CDS2: variants seen among roughly 807,000 people sequenced by gnomAD.
CDS2 encodes CDP-diacylglycerol synthase 2, also known as phosphatidate cytidylyltransferase 2.
CDS2 carries 47 observed loss-of-function variants against 59.0 expected under a neutral mutation model. The ratio of observed to expected loss-of-function variants is 0.80; its 90% confidence interval spans 0.63 to 1.02. The LOEUF (loss-of-function observed/expected upper bound fraction) is 1.02, where lower values mean the gene tolerates loss of function less well. Ranked by LOEUF, CDS2 falls within the 50% of genes least tolerant of loss-of-function variation. CDS2 has a pLI of 0.00. For missense variants in CDS2, 356 were observed against 558.9 expected, an observed-to-expected ratio of 0.64 and a Z score of 3.66; for synonymous variants, 207 against 206.4, an observed-to-expected ratio of 1.00 and a Z score of -0.02.
chr20:5,190,108 T>C lies in CDS2; in HGVS notation c.1212T>C (p.Pro404=), dbSNP rs1264733774. The change falls in exon 13 of 13, where the codon CCT becomes CCC. Residue 404 remains proline, a synonymous_variant. Transcript: ENST00000460006. The part of the protein sequence containing the change: ...NVYIASFIRG[P]NPSKLIQQFL... ...TCTTCACATTCTGTTCCAGAGGCCCTAACCCAAGCAAACTGATTCAGCAGT... is the reference window on the plus strand; with the variant it reads ...TCTTCACATTCTGTTCCAGAGGCCCCAACCCAAGCAAACTGATTCAGCAGT... 1 of 1,613,836 alleles carries C rather than the reference T, an allele frequency of 6.2e-7. No individual in the cohort carries two copies. The highest frequency in any genetic ancestry group is 8.5e-7 in the Non-Finnish European group (1 of 1,179,854).
At chr20:5,165,491 C>G (rs888620811) in intron 1 of CDS2, among the ~76,000 whole-genome samples, 24 of 152,282 alleles carry the variant, frequency 1.6e-4, no homozygotes, top group African/African-American at 5.8e-4. Flanking sequence ...AACATGGCTC[C>G]CCCACAGAGA....
At chr20:5,161,632 T>G (rs530085525) in intron 1 of CDS2, among the ~76,000 whole-genome samples, 6 of 152,340 alleles carry the variant, frequency 3.9e-5, no homozygotes, top group Admixed American at 6.5e-5. Context: ...GTGTTTATAG[T>G]AGTCTTGTTA....
rs1052238488 is a variant in CDS2 at position 5,176,838 on chromosome 20, C to G, written c.389+93C>G. ...TGACGGTGGGTATTTCTATCACTTGCTATAGAGATAAATGCTGGAGAGGCA... is the reference window on the plus strand; with the variant it reads ...TGACGGTGGGTATTTCTATCACTTGGTATAGAGATAAATGCTGGAGAGGCA... On this transcript the variant is annotated intron_variant, in intron 4 of 12. Coordinates refer to ENST00000460006, the MANE Select transcript of CDS2 (RefSeq NM_003818.4). 4 of 860,714 alleles carry G rather than the reference C, an allele frequency of 4.6e-6. No homozygotes were observed. In the African/African-American group the frequency reaches 5.0e-5, roughly 11 times the overall value. The allele number at this position is 860,714 out of a possible 1,614,324, so 53.3% of individuals were successfully genotyped here. A position where few individuals can be genotyped will look rare whatever the true frequency, so the allele number is the denominator to read the frequency against.
chr20:5,186,804 A>G lies in CDS2; in HGVS notation c.946A>G (p.Asn316Asp), dbSNP rs758818265. Residue 316 changes from asparagine to aspartate, a missense_variant, in exon 10 of 13, where the codon AAC (asparagine) becomes GAC (aspartate). Asn to Asp is a conservative substitution (Grantham distance 23, BLOSUM62 1). Coordinates refer to ENST00000460006, the MANE Select transcript of CDS2 (RefSeq NM_003818.4). ...GGACCTGTTTCGCCTGCAGGAGTAC[A>G]ACATTCCTGGGGTGATCCAGTCAGT... ...PSDLFRLQEY[N>D]IPGVIQSVIG... The G allele has an allele frequency of 1.2e-6, 2 of 1,614,158 alleles. No individual in the cohort carries two copies. The highest frequency in any genetic ancestry group is 2.2e-5 in the East Asian group (1 of 44,872).
rs552975601 is a variant in CDS2, at chr20:5,197,581, T to G, written c.*7347T>G. On this transcript the variant is annotated 3_prime_UTR_variant, in exon 13 of 13. Transcript: ENST00000460006. ...TGATAGCCTGGGTGTTGATATTCAC[T>G]TTACCCGCACTCAGACACAGGCGAC... 6.6e-6 allele frequency: 1 copy of G among 152,062 alleles called. No individual in the cohort carries two copies. Among genetic ancestry groups the G allele is most frequent in the African/African-American group, 2.4e-5 (1 of 41,474 alleles). 9.4% of individuals were successfully genotyped at this position (152,062 alleles called of 1,614,324 possible).
At chr20:5,154,977 C>T (rs1350710261) in intron 1 of CDS2, among the ~76,000 whole-genome samples, 2 of 152,212 alleles carry the variant, frequency 1.3e-5, no homozygotes, top group Non-Finnish European at 2.9e-5. Flanking sequence ...TAGAGCATTT[C>T]CTGTTATTCA....
At chr20:5,129,217 A>C (rs1396180345) in intron 1 of CDS2, among the ~76,000 whole-genome samples, 2 of 152,296 alleles carry the variant, frequency 1.3e-5, no homozygotes, top group East Asian at 3.9e-4. Context: ...CAAGACAATC[A>C]GTTCCTCACC....
intron 1 of CDS2, among the ~76,000 whole-genome samples, chr20:5,162,321 A>G (rs531061076): frequency 1.2e-4 from 19 of 152,362 alleles, no homozygotes; most frequent in Admixed American, 1.0e-3. Context: ...GCCAGTAAGT[A>G]TAATGCAAAT....
intron 1 of CDS2, among the ~76,000 whole-genome samples, chr20:5,135,047 CT>C (rs1301119780): frequency 3.9e-5 from 6 of 151,964 alleles, no homozygotes; most frequent in African/African-American, 1.4e-4. Flanking sequence ...TTGAGAAACT[CT>C]TTTTAAAATG....
At chr20:5,139,121 C>T (rs990839733) in intron 1 of CDS2, among the ~76,000 whole-genome samples, 32 of 152,170 alleles carry the variant, frequency 2.1e-4, no homozygotes, top group African/African-American at 6.8e-4. Context: ...GTGGGTGGAT[C>T]ACTTGAGGCC....
chr20:5,182,462 C>T lies in CDS2; in HGVS notation c.588+17C>T, dbSNP rs199666544. ...TTCTACATGGTAAAGGAAATGCATG[C>T]GTGTGTGTCAGAATTCTTGATTTAA... On this transcript the variant is annotated intron_variant, in intron 6 of 12. Coordinates refer to ENST00000460006, the MANE Select transcript of CDS2 (RefSeq NM_003818.4). The T allele has an allele frequency of 5.6e-5, 90 of 1,600,446 alleles. No homozygotes were observed. The highest frequency in any genetic ancestry group is 4.3e-4 in the African/African-American group (32 of 74,320).
chr20:5,132,926 A>G (rs1000125279), intron 1 of CDS2, among the ~76,000 whole-genome samples: 3 of 151,946 alleles, frequency 2.0e-5, no homozygotes, highest in Non-Finnish European at 2.9e-5. Flanking sequence ...TAATCCCAGC[A>G]CTTTGGGAGG....
intron 1 of CDS2, among the ~76,000 whole-genome samples, chr20:5,144,031 C>T (rs2090719259): frequency 6.6e-6 from 1 of 152,092 alleles, no homozygotes; most frequent in South Asian, 2.1e-4. Flanking sequence ...TCTCAAACTG[C>T]TGGGATCATA....
intron 1 of CDS2, among the ~76,000 whole-genome samples, chr20:5,163,011 C>T (rs2090886355): frequency 6.6e-6 from 1 of 152,262 alleles, no homozygotes; most frequent in Middle Eastern, 3.4e-3. Flanking sequence ...CATACTGAGG[C>T]CACATTGACT....
At chr20:5,139,799 C>CTTTT (rs141846083) in intron 1 of CDS2, among the ~76,000 whole-genome samples, 2 of 135,146 alleles carry the variant, frequency 1.5e-5, no homozygotes, top group Non-Finnish European at 3.2e-5. Flanking sequence ...TTTCAGCATC[C>CTTTT]TTTTTTTTTT....
At chr20:5,161,327 C>T (rs1172098048) in intron 1 of CDS2, among the ~76,000 whole-genome samples, 2 of 152,178 alleles carry the variant, frequency 1.3e-5, no homozygotes, top group East Asian at 1.9e-4. Flanking sequence ...TCCTTAGTCT[C>T]GCTAGCCACA....
rs575023722 is a variant in CDS2 at position 5,191,752 on chromosome 20, G to T, written c.*1518G>T. ...TCCTTGAGTGACTTCCCATATGTGT[G>T]TGGGGCTGAAGCGGCTTCTTTCCGC... On this transcript the variant is annotated 3_prime_UTR_variant, in exon 13 of 13. Transcript: ENST00000460006. 1.5e-4 allele frequency: 23 copies of T among 152,336 alleles called. No homozygotes were observed. The highest frequency in any genetic ancestry group is 3.4e-4 in the African/African-American group (14 of 41,570). 9.4% of individuals were successfully genotyped at this position (152,336 alleles called of 1,614,324 possible). A position where few individuals can be genotyped will look rare whatever the true frequency, so the allele number is the denominator to read the frequency against.
At chr20:5,175,679 AG>A in intron 3 of CDS2, 1 of 172,218 alleles carries the variant, frequency 5.8e-6, no homozygotes, top group Non-Finnish European at 1.2e-5. Context: ...CCAGCTACTC[AG>A]GGGGCTGAGG....
chr20:5,158,010 C>G (rs1012656474), intron 1 of CDS2, among the ~76,000 whole-genome samples: 18 of 152,268 alleles, frequency 1.2e-4, no homozygotes, highest in Admixed American at 5.9e-4. Context: ...CGTAAACTTT[C>G]TTAAAACATT....
Sources: allele counts gnomAD v4.1 joint callset (sites outside exome capture counted in the v4.1 genomes callset), GRCh38; gene constraint gnomAD v4.1.1; transcripts MANE v1.5; gene names NCBI Gene and HGNC (gene_info 2026-07-23, HGNC 2026-07-21).